Variants in ACSS1 observed in about 807,000 individuals in gnomAD.
ACSS1 encodes the protein acetyl-coenzyme A synthetase 2-like, mitochondrial.
Under a neutral mutation model 75.3 loss-of-function variants are expected in ACSS1, and 42 were observed. The observed-to-expected ratio is 0.56, with a 90% CI of 0.44 to 0.72. The LOEUF (loss-of-function observed/expected upper bound fraction) is 0.72, where lower values mean the gene tolerates loss of function less well. Ranked by LOEUF, ACSS1 falls within the 30% of genes least tolerant of loss-of-function variation. The pLI, the probability that ACSS1 is intolerant of heterozygous loss-of-function variation, is 0.00. For synonymous variants in ACSS1, 380 were observed against 376.8 expected (o/e 1.01, Z -0.10); for missense variants, 782 against 935.7 (o/e 0.84, Z 2.14).
intron 1 of ACSS1, among the ~76,000 whole-genome samples, chr20:25,053,288 C>T (rs2089201792): frequency 6.7e-6 from 1 of 148,870 alleles, no homozygotes; most frequent in Non-Finnish European, 1.5e-5. Context: ...TGGTCTCAAA[C>T]TCCTGGGCTC....
rs747601542 is a variant in ACSS1, at chr20:25,057,974, G to A, written c.129C>T (p.Gly43=). Residue 43 remains glycine (G), a synonymous_variant, in exon 1 of 14, where the codon GGC becomes GGT. Transcript: ENST00000323482. ...CTGCTGCTGCAACTGCGGGAGCGCT[G>A]CCCGAGGGTCCCGAGGCCGCCCTGC... is the stretch of plus-strand genomic sequence containing the variant. ...APRRAASGPS[G]SAPAVAAAAA... is the part of the protein sequence containing the mutation. The A allele has an allele frequency of 6.4e-7, 1 of 1,571,664 alleles. No individual in the cohort carries two copies.
At chr20:25,052,294 C>T (rs1020455259) in intron 1 of ACSS1, among the ~76,000 whole-genome samples, 4 of 152,322 alleles carry the variant, frequency 2.6e-5, no homozygotes, top group African/African-American at 9.6e-5. Flanking sequence ...CATTTCTCAG[C>T]ATTTCCAAGA....
Position 25,057,593 on chromosome 20 carries a change from A to G in ACSS1, c.334+176T>C, listed in dbSNP as rs554580342. 1.1e-4 allele frequency among the ~76,000 whole-genome samples: 17 copies of G among 152,144 alleles called. 1 individual carries two copies. The East Asian group carries it at 3.3e-3, about 30-fold the overall frequency. On this transcript the variant is annotated intron_variant, in intron 1 of 13. Transcript: ENST00000323482. ...GATCTGGGGCCCGATGGGATGAGGGACGGGGTGACGTGGAGCCACTGCTTA... is the reference window on the plus strand; with the variant it reads ...GATCTGGGGCCCGATGGGATGAGGGGCGGGGTGACGTGGAGCCACTGCTTA...
intron 1 of ACSS1, among the ~76,000 whole-genome samples, chr20:25,056,874 G>A (rs2089249591): frequency 6.6e-6 from 1 of 151,898 alleles, no homozygotes; most frequent in Admixed American, 6.6e-5. Context: ...CCTGCATCCG[G>A]AGCCCACCTC....
At chr20:25,052,393 T>C (rs1385250133) in intron 1 of ACSS1, among the ~76,000 whole-genome samples, 1 of 152,210 alleles carries the variant, frequency 6.6e-6, no homozygotes, top group East Asian at 1.9e-4. Context: ...CAGCACATGA[T>C]GGATGACCTG....
At position 25,030,769 on chromosome 20, in the gene ACSS1, C is replaced by T; in HGVS notation, c.621G>A (p.Arg207=). The T allele has an allele frequency of 6.2e-7, 1 of 1,614,098 alleles. No individual in the cohort carries two copies. Among genetic ancestry groups the T allele is most frequent in the Non-Finnish European group, 8.5e-7 (1 of 1,179,974 alleles). Residue 207 remains arginine, a synonymous_variant, in exon 3 of 14, where the codon AGG becomes AGA. Transcript: ENST00000323482. ...TGCCCACCTCCTCACCATCATTGATCCTCCCAGCCAAGGACTCTGCACTGA... is the reference window on the plus strand; with the variant it reads ...TGCCCACCTCCTCACCATCATTGATTCTCCCAGCCAAGGACTCTGCACTGA... The part of the protein sequence containing the change: ...AGFSAESLAG[R]INDAKCKVVI...
intron 2 of ACSS1, among the ~76,000 whole-genome samples, chr20:25,043,173 C>T (rs1466475264): frequency 6.6e-6 from 1 of 152,174 alleles, no homozygotes; most frequent in Non-Finnish European, 1.5e-5. Context: ...CCACTCCTGC[C>T]TTCGCCACAC....
chr20:25,049,178 A>G lies in ACSS1; in HGVS notation c.335-997T>C, dbSNP rs561840477. On this transcript the variant is annotated intron_variant, in intron 1 of 13. Coordinates refer to ENST00000323482, the MANE Select transcript of ACSS1 (RefSeq NM_032501.4). ...GTTCTTTGAACTACTATTAACAGAA[A>G]AATAAAAGAGAAGACATGCCCAAAA... 1.1e-4 allele frequency among the ~76,000 whole-genome samples: 16 copies of G among 152,356 alleles called. No homozygotes were observed. The Middle Eastern group carries it at 0.01, about 97-fold the overall frequency.
Position 25,023,545 on chromosome 20 carries a change from G to A in ACSS1, c.728C>T (p.Pro243Leu), listed in dbSNP as rs748672811. The change falls in exon 4 of 14, where the codon CCC (proline) becomes CTC (leucine). Residue 243 changes from proline (P) to leucine (L), a missense_variant. Around this residue, in one of 2 missense-constraint regions of ACSS1, gnomAD observed 377 missense variants for 383.1 expected, o/e 0.98. Coordinates refer to ENST00000323482, the MANE Select transcript of ACSS1 (RefSeq NM_032501.4). ...AGCCACCAGGACATGCTGCACGGTGGGGCAGTGCTTCACAGCCTCATCCAC... is the reference window on the plus strand; with the variant it reads ...AGCCACCAGGACATGCTGCACGGTGAGGCAGTGCTTCACAGCCTCATCCAC... ...KIVDEAVKHC[P>L]TVQHVLVAHR... 3 of 1,614,134 alleles carry A rather than the reference G, an allele frequency of 1.9e-6. No homozygotes were observed. Among genetic ancestry groups the A allele is most frequent in the East Asian group, 2.2e-5 (1 of 44,880 alleles).
intron 5 of ACSS1, among the ~76,000 whole-genome samples, chr20:25,021,807 G>C (rs1267276210): frequency 6.6e-6 from 1 of 152,186 alleles, no homozygotes; most frequent in Non-Finnish European, 1.5e-5. Context: ...AAAAGGCCAA[G>C]AATGGCATCA....
chr20:25,007,230 T>A lies in ACSS1; in HGVS notation c.*532A>T. On this transcript the variant is annotated 3_prime_UTR_variant, in exon 14 of 14. Coordinates refer to ENST00000323482, the MANE Select transcript of ACSS1 (RefSeq NM_032501.4). The stretch of plus-strand genomic sequence containing the variant: ...TCTGATCCTCATGTTTCCTCACCAG[T>A]AGAGGCAAAAAAGGAGATTTTCATA... The A allele has an allele frequency of 4.3e-6, 5 of 1,176,166 alleles. No individual in the cohort carries two copies. Among genetic ancestry groups the A allele is most frequent in the African/African-American group, 1.6e-5 (1 of 64,086 alleles). 72.9% of individuals were successfully genotyped at this position (1,176,166 alleles called of 1,614,324 possible).
intron 1 of ACSS1, 48 bp downstream of exon 1, chr20:25,057,721 C>A: frequency 2.7e-6 from 4 of 1,502,256 alleles, no homozygotes; most frequent in Non-Finnish European, 2.7e-6. Flanking sequence ...CGAGTCCCCT[C>A]GGGACCCAAG....
chr20:25,021,277 C>A, intron 6 of ACSS1, 112 bp downstream of exon 6: 1 of 1,385,462 alleles, frequency 7.2e-7, no homozygotes. Context: ...AGAGCCACAC[C>A]CTCACCAGAA....
chr20:25,013,411 T>G, intron 10 of ACSS1, 125 bp downstream of exon 10: 1 of 1,301,424 alleles, frequency 7.7e-7, no homozygotes, highest in South Asian at 1.6e-5. Context: ...AACTCTGGCC[T>G]CGCGAGCACC....
At chr20:25,054,258 A>G (rs748804156) in intron 1 of ACSS1, among the ~76,000 whole-genome samples, 1 of 152,234 alleles carries the variant, frequency 6.6e-6, no homozygotes, top group Non-Finnish European at 1.5e-5. Flanking sequence ...CAGGCTGATC[A>G]GATGCAAGCC....
rs757671609 is a variant in ACSS1 at position 25,030,889 on chromosome 20, A to G, written c.501T>C (p.Arg167=). ...LKRHGVHRGD[R]VAIYMPVSPL... ...GGGACACGGGCATGTAGATGGCAAC[A>G]CGGTCCCCACGGTGGACTCCATGCC... Residue 167 remains arginine (R), a synonymous_variant, in exon 3 of 14, where the codon CGT becomes CGC. Coordinates refer to ENST00000323482, the MANE Select transcript of ACSS1 (RefSeq NM_032501.4). 3.7e-6 allele frequency: 6 copies of G among 1,614,218 alleles called. No homozygotes were observed. The highest frequency in any genetic ancestry group is 1.6e-4 in the Middle Eastern group (1 of 6,062).
At chr20:25,032,346 GC>G in intron 2 of ACSS1, 1 of 1,329,880 alleles carries the variant, frequency 7.5e-7, no homozygotes, top group Non-Finnish European at 9.6e-7. Context: ...AAAACTGGGA[GC>G]AGGCGAGAGC....
chr20:25,023,653 AAC>A lies in ACSS1; in HGVS notation c.632-14_632-13del. The A allele has an allele frequency of 1.9e-6, 3 of 1,585,824 alleles. No individual in the cohort carries two copies. The highest frequency in any genetic ancestry group is 2.6e-6 in the Non-Finnish European group (3 of 1,164,856). ...CACCTTGCACTTGGCTAACAGAGAC[AAC>A]ACAGACATTTCTGATCAGTCTCCTC... is the stretch of plus-strand genomic sequence containing the variant. On this transcript the variant is annotated splice_polypyrimidine_tract_variant and intron_variant, in intron 3 of 13. Transcript: ENST00000323482.
chr20:25,046,566 G>C (rs554250093), intron 2 of ACSS1: 15 of 523,150 alleles, frequency 2.9e-5, no homozygotes, highest in Non-Finnish European at 4.8e-5. Flanking sequence ...CCTCCCTGCC[G>C]GACCTCCAGG....
Sources: gnomAD v4.1 joint callset for allele counts (sites outside exome capture counted in the v4.1 genomes callset) on GRCh38, gnomAD v4.1.1 for gene constraint, gnomAD v4.1.1 regional missense constraint, MANE v1.5 for transcripts, NCBI Gene and HGNC (gene_info 2026-07-23, HGNC 2026-07-21) for gene names.